Variants in THSD7B observed in about 807,000 individuals in gnomAD.
The protein encoded by THSD7B is thrombospondin type-1 domain-containing protein 7B.
In THSD7B, 138 loss-of-function variants were observed where a neutral mutation model predicts 213.6. That is an observed-to-expected ratio of 0.65 (90% CI 0.56 to 0.74). The LOEUF is 0.74. Among genes scored for constraint, THSD7B ranks in the 30% least tolerant of loss-of-function variants. THSD7B has a pLI of 0.00. For missense variants in THSD7B, 1,931 were observed against 1,991.5 expected (o/e 0.97, Z 0.58); for synonymous variants, 742 against 687.0 (o/e 1.08, Z -1.25).
intron 7 of THSD7B, among the ~76,000 whole-genome samples, chr2:137,227,935 C>T (rs1330927233): frequency 6.6e-6 from 1 of 151,934 alleles, no homozygotes; most frequent in Admixed American, 6.6e-5. Flanking sequence ...TGTTAGACAC[C>T]TAGATATGTA....
intron 12 of THSD7B, among the ~76,000 whole-genome samples, chr2:137,376,338 T>C (rs1034603152): frequency 1.3e-5 from 2 of 152,188 alleles, no homozygotes; most frequent in South Asian, 2.1e-4. Context: ...AATAAGTACA[T>C]TTTTAAAAAT....
chr2:137,404,474 T>TATATACACAC (rs1306580538), intron 12 of THSD7B, among the ~76,000 whole-genome samples: 1 of 40,262 alleles, frequency 2.5e-5, no homozygotes, highest in Non-Finnish European at 3.9e-5. Flanking sequence ...TATATATATA[T>TATATACACAC]ACACACACAC....
intron 10 of THSD7B, among the ~76,000 whole-genome samples, chr2:137,259,533 G>T (rs1682391146): frequency 6.6e-6 from 1 of 152,024 alleles, no homozygotes; most frequent in Non-Finnish European, 1.5e-5. Flanking sequence ...TGACGGGGTT[G>T]TTTTTTTCTT....
rs1333410812 is a variant in THSD7B at position 137,182,996 on chromosome 2, TA to T, written c.1723+12059del. 3.9e-5 allele frequency among the ~76,000 whole-genome samples: 6 copies of T among 152,140 alleles called. No homozygotes were observed. The East Asian group carries it at 1.2e-3, about 29-fold the overall frequency. On this transcript the variant is annotated intron_variant, in intron 7 of 27. Coordinates refer to ENST00000409968, the MANE Select transcript of THSD7B (RefSeq NM_001316349.2). ...CAGAAATGTCAGCTCTTATCATTAT[TA>T]TAATTATCTTTCATTTTGTGTAAAA... is the stretch of plus-strand genomic sequence containing the variant.
chr2:137,318,034 A>T (rs571680230), intron 12 of THSD7B, among the ~76,000 whole-genome samples: 1 of 152,324 alleles, frequency 6.6e-6, no homozygotes, highest in South Asian at 2.1e-4. Flanking sequence ...TGTTACAGTT[A>T]CATCTGTAAA....
chr2:137,401,299 C>A (rs1686353332), intron 12 of THSD7B, among the ~76,000 whole-genome samples: 1 of 152,118 alleles, frequency 6.6e-6, no homozygotes, highest in African/African-American at 2.4e-5. Flanking sequence ...TAATTGTCTT[C>A]TTTTCTAATT....
At chr2:136,792,578 T>G (rs550573294) in intron 1 of THSD7B, among the ~76,000 whole-genome samples, 20 of 152,062 alleles carry the variant, frequency 1.3e-4, no homozygotes, top group South Asian at 1.0e-3. Flanking sequence ...CCACTGTGGG[T>G]GGAATGCTGG....
At chr2:137,670,842 A>C (rs1683551928) in intron 27 of THSD7B, among the ~76,000 whole-genome samples, 1 of 147,136 alleles carries the variant, frequency 6.8e-6, no homozygotes. Flanking sequence ...AATGGTGTGA[A>C]CCCGGGAGGC....
At chr2:137,619,393 C>A (rs17743791) in intron 19 of THSD7B, among the ~76,000 whole-genome samples, 1 of 152,146 alleles carries the variant, frequency 6.6e-6, no homozygotes. Context: ...TGTCACAACA[C>A]GCTCATGCTC....
chr2:137,401,929 C>A (rs1686376171), intron 12 of THSD7B, among the ~76,000 whole-genome samples: 1 of 152,190 alleles, frequency 6.6e-6, no homozygotes, highest in Non-Finnish European at 1.5e-5. Flanking sequence ...AAATCTAGCA[C>A]CAAATCCGGC....
chr2:137,051,375 A>C lies in THSD7B; in HGVS notation c.140-5045A>C, dbSNP rs557394289. 5.3e-5 allele frequency among the ~76,000 whole-genome samples: 8 copies of C among 152,232 alleles called. 1 individual carries two copies. Among genetic ancestry groups the C allele is most frequent in the Non-Finnish European group, 8.8e-5 (6 of 68,042 alleles). On this transcript the variant is annotated intron_variant, in intron 2 of 27. Transcript: ENST00000409968. ...ACTTTTTCTCATTGCTTGGGTTCTT[A>C]GATGCATTTTAGAAAGTGAACTTTC...
At chr2:136,914,034 C>T (rs1421646144) in intron 2 of THSD7B, among the ~76,000 whole-genome samples, 7 of 152,264 alleles carry the variant, frequency 4.6e-5, no homozygotes, top group South Asian at 2.1e-4. Context: ...TGAAAGCAGT[C>T]GGGAGGGAGG....
At chr2:137,445,613 G>C (rs1687520160) in intron 14 of THSD7B, among the ~76,000 whole-genome samples, 1 of 151,866 alleles carries the variant, frequency 6.6e-6, no homozygotes, top group Non-Finnish European at 1.5e-5. Context: ...GGCTGGAAAG[G>C]GTAGTAGGGA....
intron 3 of THSD7B, among the ~76,000 whole-genome samples, chr2:137,078,463 C>G (rs1282970357): frequency 6.6e-6 from 1 of 152,076 alleles, no homozygotes; most frequent in East Asian, 1.9e-4. Context: ...AGTTCTAACC[C>G]ACACCATTTT....
chr2:136,897,293 A>G (rs1030341335), intron 2 of THSD7B, among the ~76,000 whole-genome samples: 3 of 151,948 alleles, frequency 2.0e-5, no homozygotes, highest in Admixed American at 6.6e-5. Flanking sequence ...GTTCTTAAAG[A>G]TAGTGTGTCC....
In THSD7B at chr2:137,362,067, G is replaced by A. The variant is rs181144691; in HGVS notation, c.2501-43546G>A. 8.6e-3 allele frequency among the ~76,000 whole-genome samples: 1,304 copies of A among 152,170 alleles called. 14 individuals carry two copies. The highest frequency in any genetic ancestry group is 0.03 in the African/African-American group (1,238 of 41,518). On this transcript the variant is annotated intron_variant, in intron 12 of 27. Coordinates refer to ENST00000409968, the MANE Select transcript of THSD7B (RefSeq NM_001316349.2). ...AAACTCTACAAGCCAGAAGAGAGTG[G>A]GGGCCAATATTCAACATTCTTAAAG...
intron 15 of THSD7B, among the ~76,000 whole-genome samples, chr2:137,499,060 G>T (rs1679641401): frequency 6.6e-6 from 1 of 152,094 alleles, no homozygotes; most frequent in South Asian, 2.1e-4. Context: ...AGGCATCTTT[G>T]GGCCCCTGTT....
chr2:137,075,121 G>T (rs1687591285), intron 3 of THSD7B, among the ~76,000 whole-genome samples: 1 of 152,132 alleles, frequency 6.6e-6, no homozygotes, highest in Non-Finnish European at 1.5e-5. Flanking sequence ...TCCTGGATTT[G>T]AATGTTGGCC....
chr2:137,659,664 G>C lies in THSD7B; in HGVS notation c.4376G>C (p.Gly1459Ala). ...AATGATGGTGGAATTTCCTTTGCAG[G>C]AGGCTGCTCCCCTCAGGCCCGTCCT... ...CQRSDGVNVT[G>A]GCSPQARPAA... is the part of the protein sequence containing the mutation. Residue 1459 changes from glycine (G) to alanine (A), a missense_variant and splice_region_variant, in exon 25 of 28, where the codon GGA becomes GCA. Gly to Ala is a moderately conservative substitution (Grantham distance 60). Coordinates refer to ENST00000409968, the MANE Select transcript of THSD7B (RefSeq NM_001316349.2). 6.3e-7 allele frequency: 1 copy of C among 1,594,486 alleles called. No individual in the cohort carries two copies. Among genetic ancestry groups the C allele is most frequent in the Non-Finnish European group, 8.5e-7 (1 of 1,170,708 alleles).
Sources: allele counts gnomAD v4.1 joint callset (sites outside exome capture counted in the v4.1 genomes callset), GRCh38; gene constraint gnomAD v4.1.1; transcripts MANE v1.5; gene names NCBI Gene and HGNC (gene_info 2026-07-23, HGNC 2026-07-21).